NTNG1: variants seen among roughly 807,000 people sequenced by gnomAD.
NTNG1 encodes the protein netrin-G1.
Under a neutral mutation model 54.0 loss-of-function variants are expected in NTNG1, and 16 were observed. The observed-to-expected ratio is 0.30, with a 90% confidence interval of 0.20 to 0.45. The LOEUF (loss-of-function observed/expected upper bound fraction) is 0.45. NTNG1 is among the 20% of genes least tolerant of loss of function. NTNG1 has a pLI of 1.00. For missense variants in NTNG1, 530 were observed against 678.7 expected, an observed-to-expected ratio of 0.78 and a Z score of 2.43; for synonymous variants, 255 against 263.1, an observed-to-expected ratio of 0.97 and a Z score of 0.30.
intron 4 of NTNG1, chr1:107,403,702 CAA>C (rs35555244): frequency 4.5e-4 from 60 of 133,982 alleles, no homozygotes; most frequent in Middle Eastern, 1.1e-3. Flanking sequence ...AAGACTCTGT[CAA>C]AAAAAAAAAA....
At chr1:107,306,750 C>CAA (rs377083826) in intron 2 of NTNG1, among the ~76,000 whole-genome samples, 3,292 of 111,520 alleles carry the variant, frequency 0.03, 142 homozygotes, top group African/African-American at 0.099. Flanking sequence ...GACTCCATCG[C>CAA]AAAAAAAAAA....
At chr1:107,327,090 T>G (rs867075607) in intron 3 of NTNG1, among the ~76,000 whole-genome samples, 1 of 152,156 alleles carries the variant, frequency 6.6e-6, no homozygotes, top group Non-Finnish European at 1.5e-5. Context: ...TCCTGTTCAC[T>G]AGTCAACTGT....
intron 2 of NTNG1, among the ~76,000 whole-genome samples, chr1:107,188,116 A>G (rs1162976792): frequency 1.3e-5 from 2 of 152,052 alleles, no homozygotes; most frequent in African/African-American, 4.8e-5. Context: ...CTTATTTGAC[A>G]GTTTTTAATT....
At chr1:107,395,626 A>T in intron 4 of NTNG1, 1 of 524,440 alleles carries the variant, frequency 1.9e-6, no homozygotes, top group Non-Finnish European at 3.5e-6. Flanking sequence ...CCCCCAAATT[A>T]ATTTCCTATT....
At chr1:107,208,616 G>T (rs541787063) in intron 2 of NTNG1, among the ~76,000 whole-genome samples, 1 of 152,228 alleles carries the variant, frequency 6.6e-6, no homozygotes, top group Admixed American at 6.5e-5. Flanking sequence ...GTCCCCAGAG[G>T]CCTGGCAGGG....
At chr1:107,238,220 C>T (rs1447348747) in intron 2 of NTNG1, among the ~76,000 whole-genome samples, 2 of 152,178 alleles carry the variant, frequency 1.3e-5, no homozygotes, top group Non-Finnish European at 2.9e-5. Context: ...TTTGACTGCC[C>T]CACTGGATTT....
intron 2 of NTNG1, among the ~76,000 whole-genome samples, chr1:107,307,522 A>T (rs1449136894): frequency 6.6e-6 from 1 of 152,234 alleles, no homozygotes; most frequent in Non-Finnish European, 1.5e-5. Context: ...ATTATTATTC[A>T]TCTTGCATAG....
intron 2 of NTNG1, among the ~76,000 whole-genome samples, chr1:107,266,616 GTT>G (rs545857167): frequency 7.6e-6 from 1 of 131,934 alleles, no homozygotes; most frequent in African/African-American, 3.0e-5. Flanking sequence ...TAGCAACATT[GTT>G]TTTTTTTTTT....
chr1:107,155,872 T>C (rs1190407891), intron 2 of NTNG1, among the ~76,000 whole-genome samples: 2 of 152,206 alleles, frequency 1.3e-5, no homozygotes, highest in African/African-American at 4.8e-5. Flanking sequence ...TATTTTTACG[T>C]ACTTTTTCTA....
At chr1:107,159,487 G>C (rs964749672) in intron 2 of NTNG1, among the ~76,000 whole-genome samples, 1 of 152,150 alleles carries the variant, frequency 6.6e-6, no homozygotes, top group Non-Finnish European at 1.5e-5. Context: ...AGCTTGGACT[G>C]TGTTGGTTCT....
intron 5 of NTNG1, among the ~76,000 whole-genome samples, chr1:107,425,202 G>T (rs2101277152): frequency 6.6e-6 from 1 of 152,082 alleles, no homozygotes; most frequent in Non-Finnish European, 1.5e-5. Flanking sequence ...AAAAAAATTA[G>T]ATTCAGGGGG....
At chr1:107,422,507 G>A (rs1428681964) in intron 5 of NTNG1, among the ~76,000 whole-genome samples, 3 of 152,054 alleles carry the variant, frequency 2.0e-5, no homozygotes, top group African/African-American at 7.2e-5. Flanking sequence ...GCAGGGAGAA[G>A]CTACCCAATG....
intron 3 of NTNG1, among the ~76,000 whole-genome samples, chr1:107,354,458 G>C (rs114960140): frequency 0.022 from 2,163 of 98,502 alleles, 57 homozygotes; most frequent in African/African-American, 0.078. Context: ...GACAAACTGA[G>C]ACTCCATCTC....
chr1:107,396,935 C>A (rs76866145), intron 4 of NTNG1, among the ~76,000 whole-genome samples: 2,395 of 152,304 alleles, frequency 0.016, 65 homozygotes, highest in African/African-American at 0.054. Context: ...TGTTCTTCTA[C>A]CCGTAACTGT....
intron 3 of NTNG1, among the ~76,000 whole-genome samples, chr1:107,353,441 T>C (rs1035839330): frequency 2.0e-5 from 3 of 152,236 alleles, no homozygotes; most frequent in African/African-American, 7.2e-5. Context: ...AGGTGACCTT[T>C]ACTCCTGTTC....
chr1:107,366,986 T>C (rs757300263), intron 3 of NTNG1, among the ~76,000 whole-genome samples: 14 of 152,282 alleles, frequency 9.2e-5, no homozygotes, highest in Middle Eastern at 3.4e-3. Context: ...ATTACTTGCT[T>C]GATCTATTGA....
intron 6 of NTNG1, among the ~76,000 whole-genome samples, chr1:107,434,789 A>G (rs1258857196): frequency 6.6e-6 from 1 of 152,156 alleles, no homozygotes; most frequent in African/African-American, 2.4e-5. Context: ...ATTTCATGGA[A>G]TAAAATATGA....
At chr1:107,185,930 T>C (rs1189525107) in intron 2 of NTNG1, among the ~76,000 whole-genome samples, 1 of 152,128 alleles carries the variant, frequency 6.6e-6, no homozygotes, top group Non-Finnish European at 1.5e-5. Context: ...CATAATTATA[T>C]TCCATAGTGG....
chr1:107,262,415 A>T, intron 2 of NTNG1, among the ~76,000 whole-genome samples: 2 of 152,292 alleles, frequency 1.3e-5, no homozygotes, highest in East Asian at 3.9e-4. Context: ...AAGCATAGAG[A>T]TTTATTTTAT....
Sources: gnomAD v4.1 joint callset for allele counts (sites outside exome capture counted in the v4.1 genomes callset) on GRCh38, gnomAD v4.1.1 for gene constraint, MANE v1.5 for transcripts, NCBI Gene and HGNC (gene_info 2026-07-23, HGNC 2026-07-21) for gene names.